The following SGCD variants were observed in gnomAD, a reference collection of about 807,000 sequenced individuals.
The protein encoded by SGCD is delta-sarcoglycan.
A neutral mutation model predicts 36.6 loss-of-function variants in SGCD; 18 were observed. That is an observed-to-expected ratio of 0.49 (90% CI 0.34 to 0.73). SGCD has a LOEUF of 0.73. Among genes scored for constraint, SGCD ranks in the 30% least tolerant of loss-of-function variants. The probability of loss-of-function intolerance (pLI) is 0.01; values close to 1 mark genes in which losing one functional copy is unlikely to be tolerated. For synonymous variants in SGCD, 133 were observed against 130.6 expected, an observed-to-expected ratio of 1.02 and a Z score of -0.12; for missense variants, 387 against 346.7, an observed-to-expected ratio of 1.12 and a Z score of -0.92.
At chr5:156,061,729 G>A (rs969912794) in intron 1 of SGCD, among the ~76,000 whole-genome samples, 6 of 145,286 alleles carry the variant, frequency 4.1e-5, no homozygotes, top group African/African-American at 1.2e-4. Flanking sequence ...TATTCTCAAT[G>A]TAAAGAAAAA....
At chr5:155,833,225 CA>C in the SGCD span, among the ~76,000 whole-genome samples, 97 of 137,234 alleles carry the variant, frequency 7.1e-4, no homozygotes, top group East Asian at 2.5e-3. Context: ...GAGAGAATCT[CA>C]AAAAAAAAAA....
At chr5:156,515,593 T>C (rs1037455032) in intron 4 of SGCD, among the ~76,000 whole-genome samples, 1 of 152,116 alleles carries the variant, frequency 6.6e-6, no homozygotes, top group Non-Finnish European at 1.5e-5. Context: ...CAGAGAGCGA[T>C]TGTGCTACCC....
intron 3 of SGCD, among the ~76,000 whole-genome samples, chr5:156,158,348 GA>G (rs1354173218): frequency 6.6e-6 from 1 of 151,568 alleles, no homozygotes; most frequent in Admixed American, 6.6e-5. Flanking sequence ...ATCAGCCAGA[GA>G]AAAAAGTTTC....
intron 2 of SGCD, among the ~76,000 whole-genome samples, chr5:156,338,477 A>G (rs1055587090): frequency 3.3e-5 from 5 of 152,306 alleles, no homozygotes; most frequent in African/African-American, 9.6e-5. Context: ...CACAGTAGCC[A>G]TTTGATTCCT....
the SGCD span, among the ~76,000 whole-genome samples, chr5:155,840,786 C>T: frequency 6.6e-6 from 1 of 151,412 alleles, no homozygotes; most frequent in Non-Finnish European, 1.5e-5. Flanking sequence ...CCGAGGCAGG[C>T]AGATCACCTG....
At chr5:156,287,700 T>C (rs1766648252) in intron 3 of SGCD, among the ~76,000 whole-genome samples, 1 of 151,884 alleles carries the variant, frequency 6.6e-6, no homozygotes, top group Non-Finnish European at 1.5e-5. Flanking sequence ...CATGTATATA[T>C]ATTCATCGAT....
At chr5:156,582,976 C>G (rs1760343871) in intron 4 of SGCD, among the ~76,000 whole-genome samples, 1 of 152,170 alleles carries the variant, frequency 6.6e-6, no homozygotes, top group East Asian at 1.9e-4. Flanking sequence ...AATATGTCTA[C>G]CCTCTTATAG....
intron 1 of SGCD, among the ~76,000 whole-genome samples, chr5:155,994,344 A>T (rs1223048146): frequency 1.3e-5 from 2 of 152,202 alleles, no homozygotes; most frequent in Non-Finnish European, 2.9e-5. Context: ...ACATGGAAGC[A>T]TTTAGCTTAG....
At chr5:156,170,584 G>C (rs1763319104) in intron 3 of SGCD, among the ~76,000 whole-genome samples, 1 of 152,156 alleles carries the variant, frequency 6.6e-6, no homozygotes, top group Admixed American at 6.5e-5. Flanking sequence ...CCAGAATTAG[G>C]TCTCATCAGT....
At chr5:156,479,160 T>G (rs1755320008) in intron 3 of SGCD, among the ~76,000 whole-genome samples, 1 of 152,108 alleles carries the variant, frequency 6.6e-6, no homozygotes, top group Non-Finnish European at 1.5e-5. Flanking sequence ...TGACATGATC[T>G]CGGCTCACTG....
At chr5:156,719,226 A>ACTGC (rs1755370365) in intron 7 of SGCD, among the ~76,000 whole-genome samples, 1 of 152,108 alleles carries the variant, frequency 6.6e-6, no homozygotes, top group Non-Finnish European at 1.5e-5. Flanking sequence ...TTGCCAAAAG[A>ACTGC]CTGCCTTTTG....
At chr5:156,211,654 A>G (rs1236642325) in intron 3 of SGCD, among the ~76,000 whole-genome samples, 3 of 151,906 alleles carry the variant, frequency 2.0e-5, no homozygotes, top group Non-Finnish European at 4.4e-5. Flanking sequence ...AATTAGTAGC[A>G]CTAAAACATA....
intron 3 of SGCD, among the ~76,000 whole-genome samples, chr5:156,506,506 A>G (rs1756702465): frequency 6.6e-6 from 1 of 152,146 alleles, no homozygotes; most frequent in Non-Finnish European, 1.5e-5. Flanking sequence ...GCTTCTTACT[A>G]AAAATGGCTG....
At chr5:156,260,352 G>A (rs767870964) in intron 3 of SGCD, among the ~76,000 whole-genome samples, 15 of 152,086 alleles carry the variant, frequency 9.9e-5, no homozygotes, top group Non-Finnish European at 1.6e-4. Context: ...TGGACATCTT[G>A]ACAATATTGA....
chr5:156,138,396 A>T (rs1261347900), intron 3 of SGCD, among the ~76,000 whole-genome samples: 1 of 152,310 alleles, frequency 6.6e-6, no homozygotes, highest in Admixed American at 6.5e-5. Flanking sequence ...GCGAGACTTC[A>T]TCTCAAAACA....
intron 4 of SGCD, among the ~76,000 whole-genome samples, chr5:156,531,443 G>A (rs1038262167): frequency 3.3e-5 from 5 of 152,202 alleles, no homozygotes; most frequent in African/African-American, 9.7e-5. Flanking sequence ...TATGATAGAT[G>A]TTACACAAAG....
At chr5:156,133,914 AACAC>A (rs70981997) in intron 3 of SGCD, among the ~76,000 whole-genome samples, 4,848 of 140,276 alleles carry the variant, frequency 0.035, 148 homozygotes, top group East Asian at 0.1. Flanking sequence ...GCCGGGTTAA[AACAC>A]ACACACACAC....
rs175960 is a variant in SGCD at position 156,608,957 on chromosome 5, T to C, written c.502+13906T>C. 1.7e-4 allele frequency among the ~76,000 whole-genome samples: 26 copies of C among 149,590 alleles called. No homozygotes were observed. In the South Asian group the frequency reaches 5.3e-3, roughly 30 times the overall value. ...GTGTGTCTCTGCACATGAGATGGGT[T>C]TCCTGAATACAGCACACTGATGGGT... On this transcript the variant is annotated intron_variant, in intron 6 of 8. Transcript: ENST00000337851.
intron 1 of SGCD, among the ~76,000 whole-genome samples, chr5:155,919,014 G>A (rs1580990619): frequency 6.6e-6 from 1 of 152,244 alleles, no homozygotes; most frequent in Non-Finnish European, 1.5e-5. Flanking sequence ...TTTCCATAGA[G>A]TGGCTTCCTG....
Sources: allele counts gnomAD v4.1 joint callset (sites outside exome capture counted in the v4.1 genomes callset), GRCh38; gene constraint gnomAD v4.1.1; transcripts MANE v1.5; gene names NCBI Gene and HGNC (gene_info 2026-07-23, HGNC 2026-07-21).